DDR1: variants seen among roughly 807,000 people sequenced by gnomAD.
DDR1 encodes discoidin domain receptor tyrosine kinase 1, also known as epithelial discoidin domain-containing receptor 1.
Under a neutral mutation model 97.4 loss-of-function variants are expected in DDR1, and 64 were observed. That is an observed-to-expected ratio of 0.66 (90% CI 0.54 to 0.81). The LOEUF (loss-of-function observed/expected upper bound fraction) is 0.81. Ranked by LOEUF, DDR1 falls within the 30% of genes least tolerant of loss-of-function variation. The probability of loss-of-function intolerance (pLI) is 0.00; values close to 1 mark genes in which losing one functional copy is unlikely to be tolerated. For synonymous variants in DDR1, 458 were observed against 503.7 expected, an observed-to-expected ratio of 0.91 and a Z score of 1.21; for missense variants, 990 against 1,259.6, an observed-to-expected ratio of 0.79 and a Z score of 3.24.
In DDR1 at chr6:30,896,690, G is replaced by A. The variant is rs773655346; in HGVS notation, c.1694G>A (p.Ser565Asn). 6.2e-7 allele frequency: 1 copy of A among 1,611,398 alleles called. No homozygotes were observed. Among genetic ancestry groups the A allele is most frequent in the Non-Finnish European group, 8.5e-7 (1 of 1,178,922 alleles). ...APLLPPPPQN[S>N]VPHYAEADIV... ...CTTCTGCCCCCACCTCCCCAGAACAGCGTCCCCCATTATGCCGAGGCTGAC... is the reference window on the plus strand; with the variant it reads ...CTTCTGCCCCCACCTCCCCAGAACAACGTCCCCCATTATGCCGAGGCTGAC... The change falls in exon 13 of 18, where the codon AGC becomes AAC. Residue 565 changes from serine to asparagine, a missense_variant. Ser to Asn is a conservative substitution (Grantham distance 46). Transcript: ENST00000376568.
Position 30,894,811 on chromosome 6 carries a change from T to A in DDR1, c.1513+140T>A. 1 of 931,634 alleles carries A rather than the reference T, an allele frequency of 1.1e-6. No homozygotes were observed. Among genetic ancestry groups the A allele is most frequent in the Non-Finnish European group, 1.5e-6 (1 of 646,020 alleles). The allele number at this position is 931,634 out of a possible 1,614,324, so 57.7% of individuals were successfully genotyped here. ...TCTGTGCCCCTGGTTACTGTCTATA[T>A]CACTCTTTGTCCCTACCATGTAGTC... On this transcript the variant is annotated intron_variant, in intron 11 of 17. Transcript: ENST00000376568. The surrounding 1 kb of genome is among the most constrained non-coding windows in gnomAD (Gnocchi z 5.7).
upstream of DDR1, chr6:30,883,117 C>T (rs944743932): frequency 6.6e-6 from 1 of 152,300 alleles, no homozygotes; most frequent in Non-Finnish European, 1.5e-5. This position sits in a 1 kb window ranked among gnomAD's most constrained non-coding sequence, Gnocchi z 4.9. Flanking sequence ...GGCTTCTGAA[C>T]TAGTGCCCAT....
chr6:30,898,614 AC>A (rs1446457646), intron 16 of DDR1, among the ~76,000 whole-genome samples: 1 of 152,080 alleles, frequency 6.6e-6, no homozygotes, highest in Non-Finnish European at 1.5e-5. Context: ...GAAGGTCAGG[AC>A]CAGAAAGTGG....
intron 1 of DDR1, chr6:30,885,873 G>C: frequency 2.4e-6 from 3 of 1,265,394 alleles, no homozygotes; most frequent in Admixed American, 2.3e-5. Flanking sequence ...GTCTGAGTGG[G>C]ACTTGGGGGT....
chr6:30,891,577 G>T lies in DDR1; in HGVS notation c.665+98G>T, dbSNP rs1788371824. On this transcript the variant is annotated intron_variant, in intron 6 of 17. Coordinates refer to ENST00000376568, the MANE Select transcript of DDR1 (RefSeq NM_001297654.2). The surrounding 1 kb of genome is among the most constrained non-coding windows in gnomAD (Gnocchi z 5.3). ...TGTGTGAGAGTGTGTGTGTGTAGGG[G>T]GGCTGGTAAGTAGGGTGGGGAGTGA... is the stretch of plus-strand genomic sequence containing the variant. 1.0e-5 allele frequency: 9 copies of T among 881,860 alleles called. No individual in the cohort carries two copies. Among genetic ancestry groups the T allele is most frequent in the Admixed American group, 2.1e-5 (1 of 47,110 alleles). 54.6% of individuals were successfully genotyped at this position (881,860 alleles called of 1,614,324 possible).
chr6:30,898,039 G>T, intron 15 of DDR1, 34 bp from the exon 16 acceptor site: 1 of 1,537,762 alleles, frequency 6.5e-7, no homozygotes, highest in Non-Finnish European at 9.0e-7. Flanking sequence ...CTGCGAAGCT[G>T]CCCCCAGTGA....
In DDR1 at chr6:30,885,106, A is replaced by G. The variant is rs1785298126; in HGVS notation, c.-43+396A>G. 5.5e-6 allele frequency: 7 copies of G among 1,263,210 alleles called. No homozygotes were observed. The South Asian group carries it at 9.4e-5, about 17-fold the overall frequency. 78.3% of individuals were successfully genotyped at this position (1,263,210 alleles called of 1,614,324 possible). A position where few individuals can be genotyped will look rare whatever the true frequency, so the allele number is the denominator to read the frequency against. ...CTAACTGCTAAGCCTCCGCTCAGCC[A>G]ACACCCAGTTGGTCAGTCTGGTCAC... On this transcript the variant is annotated intron_variant, in intron 1 of 17. Coordinates refer to ENST00000376568, the MANE Select transcript of DDR1 (RefSeq NM_001297654.2).
rs1270564830 is a variant in DDR1 at position 30,891,592 on chromosome 6, G to C, written c.665+113G>C. Reference sequence around the variant, plus strand: ...GTGTGTAGGGGGGCTGGTAAGTAGGGTGGGGAGTGAGATGGAAGAGCTGAG... The same window carrying C: ...GTGTGTAGGGGGGCTGGTAAGTAGGCTGGGGAGTGAGATGGAAGAGCTGAG... On this transcript the variant is annotated intron_variant, in intron 6 of 17. Coordinates refer to ENST00000376568, the MANE Select transcript of DDR1 (RefSeq NM_001297654.2). The surrounding 1 kb of genome is among the most constrained non-coding windows in gnomAD (Gnocchi z 5.3). 1.3e-6 allele frequency: 1 copy of C among 794,730 alleles called. No individual in the cohort carries two copies. Among genetic ancestry groups the C allele is most frequent in the Non-Finnish European group, 2.0e-6 (1 of 493,040 alleles). The allele number at this position is 794,730 out of a possible 1,614,324, so 49.2% of individuals were successfully genotyped here.
In DDR1 at chr6:30,899,536, C is replaced by G. The variant is rs1450638213; in HGVS notation, c.*240C>G. The stretch of plus-strand genomic sequence containing the variant: ...CCTTCCTAGAAGCCCCTGTCGCCCA[C>G]CCAGCTGGTCCTGTGGATGGGATCC... On this transcript the variant is annotated 3_prime_UTR_variant, in exon 18 of 18. Coordinates refer to ENST00000376568, the MANE Select transcript of DDR1 (RefSeq NM_001297654.2). 3 of 569,670 alleles carry G rather than the reference C, an allele frequency of 5.3e-6. No individual in the cohort carries two copies. The highest frequency in any genetic ancestry group is 5.8e-5 in the East Asian group (2 of 34,222). The allele number at this position is 569,670 out of a possible 1,614,324, so 35.3% of individuals were successfully genotyped here.
Position 30,897,431 on chromosome 6 carries a change from A to G in DDR1, c.2050A>G (p.Ile684Val). ...KIMSRLKDPN[I>V]IRLLGVCVQD... ...CATGTCGAGGCTCAAGGACCCAAAC[A>G]TCATTCGGCTGCTGGGCGTGTGTGT... Residue 684 changes from isoleucine (I) to valine (V), a missense_variant, in exon 15 of 18, where the codon ATC becomes GTC. By Grantham distance (29) the Ile-to-Val change is conservative. Coordinates refer to ENST00000376568, the MANE Select transcript of DDR1 (RefSeq NM_001297654.2). The surrounding 1 kb of genome is among the most constrained non-coding windows in gnomAD (Gnocchi z 5.2). 1 of 1,614,152 alleles carries G rather than the reference A, an allele frequency of 6.2e-7. No homozygotes were observed.
rs778223233 is a variant in DDR1 at position 30,892,202 on chromosome 6, G to T, written c.852+14G>T. The T allele has an allele frequency of 3.1e-6, 5 of 1,613,814 alleles. No individual in the cohort carries two copies. Among genetic ancestry groups the T allele is most frequent in the Middle Eastern group, 1.7e-4 (1 of 6,058 alleles). On this transcript the variant is annotated intron_variant, in intron 7 of 17. Transcript: ENST00000376568. Reference sequence around the variant, plus strand: ...CAGGCTATGCAGGTGAGTGAGTCCGGCTCTCGAGGAGGGCTCTGAAGCCAT... The same window carrying T: ...CAGGCTATGCAGGTGAGTGAGTCCGTCTCTCGAGGAGGGCTCTGAAGCCAT...
In DDR1 at chr6:30,884,864, C is replaced by G. The variant is rs979163835; in HGVS notation, c.-43+154C>G. On this transcript the variant is annotated intron_variant, in intron 1 of 17. Transcript: ENST00000376568. This position sits in a 1 kb window ranked among gnomAD's most constrained non-coding sequence, Gnocchi z 6.1. ...CTTCTAAGCCTCCCTGCCCGCCTCC[C>G]CGATGCTCTGGCATACCGTCTGAAA... The G allele has an allele frequency of 3.1e-6, 1 of 320,632 alleles. No individual in the cohort carries two copies. The highest frequency in any genetic ancestry group is 2.1e-5 in the African/African-American group (1 of 47,374). The allele number at this position is 320,632 out of a possible 1,614,324, so 19.9% of individuals were successfully genotyped here.
In DDR1 at chr6:30,889,246, C is replaced by T. The variant is rs370616104; in HGVS notation, c.233C>T (p.Ser78Leu). Reference sequence around the variant, plus strand: ...GATGGGGCCTGGTGCCCCGCAGGGTCGGTGTTTCCCAAGGAGGAGGAGTAC... The same window carrying T: ...GATGGGGCCTGGTGCCCCGCAGGGTTGGTGTTTCCCAAGGAGGAGGAGTAC... ...DGDGAWCPAG[S>L]VFPKEEEYLQ... Residue 78 changes from serine to leucine, a missense_variant, in exon 4 of 18, where the codon TCG (serine) becomes TTG (leucine). Transcript: ENST00000376568. The surrounding 1 kb of genome is among the most constrained non-coding windows in gnomAD (Gnocchi z 4.9). The T allele has an allele frequency of 8.1e-6, 13 of 1,613,076 alleles. No individual in the cohort carries two copies. Among genetic ancestry groups the T allele is most frequent in the African/African-American group, 2.7e-5 (2 of 75,058 alleles).
Position 30,897,050 on chromosome 6 carries a change from G to T in DDR1, c.1906G>T (p.Val636Phe). Residue 636 changes from valine to phenylalanine, a missense_variant, in exon 14 of 18, where the codon GTT becomes TTT. Transcript: ENST00000376568. The surrounding 1 kb of genome is among the most constrained non-coding windows in gnomAD (Gnocchi z 5.2). Reference protein sequence around the residue: ...LCEVDSPQDLVSLDFPLNVRK... With the variant: ...LCEVDSPQDLFSLDFPLNVRK... Reference sequence around the variant, plus strand: ...TGAGGTCGACAGCCCTCAAGATCTGGTTAGTCTTGATTTCCCCCTTAATGT... The same window carrying T: ...TGAGGTCGACAGCCCTCAAGATCTGTTTAGTCTTGATTTCCCCCTTAATGT... 6.2e-7 allele frequency: 1 copy of T among 1,613,732 alleles called. No individual in the cohort carries two copies. The highest frequency in any genetic ancestry group is 1.3e-5 in the African/African-American group (1 of 74,904).
rs942654391 is a variant in DDR1 at position 30,894,305 on chromosome 6, G to C, written c.1348-201G>C. On this transcript the variant is annotated intron_variant, in intron 10 of 17. Transcript: ENST00000376568. This position sits in a 1 kb window ranked among gnomAD's most constrained non-coding sequence, Gnocchi z 5.7. ...ATAGTTATGGACTGGGCAGATGAGG[G>C]TTAGAATCTCATTGTGGGACAGGGA... 3.3e-5 allele frequency among the ~76,000 whole-genome samples: 5 copies of C among 152,160 alleles called. No individual in the cohort carries two copies. Among genetic ancestry groups the C allele is most frequent in the Non-Finnish European group, 7.3e-5 (5 of 68,036 alleles).
upstream of DDR1, chr6:30,881,410 C>T (rs753388296): frequency 6.6e-6 from 1 of 152,604 alleles, no homozygotes; most frequent in East Asian, 1.9e-4. Context: ...CCATCTGTCC[C>T]GCAGGTGCCT....
rs1323147916 is a variant in DDR1, at chr6:30,892,410, G to C, written c.967G>C (p.Gly323Arg). The change falls in exon 8 of 18, where the codon GGG becomes CGG. Residue 323 changes from glycine to arginine, a missense_variant. Transcript: ENST00000376568. ...WEGEPMRHNLGGNLGDPRARA... is the reference protein window; with the variant it reads ...WEGEPMRHNLRGNLGDPRARA... Reference sequence around the variant, plus strand: ...GGGGGAGCCCATGCGCCACAACCTAGGGGGCAACCTGGGGGACCCCAGAGC... The same window carrying C: ...GGGGGAGCCCATGCGCCACAACCTACGGGGCAACCTGGGGGACCCCAGAGC... 6.2e-7 allele frequency: 1 copy of C among 1,603,362 alleles called. No individual in the cohort carries two copies. The highest frequency in any genetic ancestry group is 8.5e-7 in the Non-Finnish European group (1 of 1,178,302).
In DDR1 at chr6:30,886,794, G is replaced by C. The variant is rs1786022149; in HGVS notation, c.-42-1894G>C. On this transcript the variant is annotated intron_variant, in intron 1 of 17. Coordinates refer to ENST00000376568, the MANE Select transcript of DDR1 (RefSeq NM_001297654.2). The surrounding 1 kb of genome is among the most constrained non-coding windows in gnomAD (Gnocchi z 4.6). ...GCAGTCGAGTCCCTCAGGACTCCAG[G>C]GCCTGGAGACTTCAGTACAGGGCTC... is the stretch of plus-strand genomic sequence containing the variant. The C allele has an allele frequency of 6.6e-6, 1 of 152,212 alleles. No individual in the cohort carries two copies. Among genetic ancestry groups the C allele is most frequent in the South Asian group, 2.1e-4 (1 of 4,838 alleles). The allele number at this position is 152,212 out of a possible 1,614,324, so 9.4% of individuals were successfully genotyped here.
intron 1 of DDR1, chr6:30,885,881 G>A (rs1785616354): frequency 3.2e-6 from 4 of 1,239,446 alleles, no homozygotes; most frequent in Admixed American, 4.6e-5. Context: ...GGGACTTGGG[G>A]GTTGGGAGAG....
Sources: allele counts gnomAD v4.1 joint callset (sites outside exome capture counted in the v4.1 genomes callset), GRCh38; gene constraint gnomAD v4.1.1; non-coding constraint Gnocchi (gnomAD v3.1); transcripts MANE v1.5; gene names NCBI Gene and HGNC (gene_info 2026-07-23, HGNC 2026-07-21).